The following ACAP2 variants were observed in gnomAD, a reference collection of about 807,000 sequenced individuals.
ACAP2 encodes arf-GAP with coiled-coil, ANK repeat and PH domain-containing protein 2.
ACAP2 carries 39 observed loss-of-function variants against 115.8 expected under a neutral mutation model. That is an observed-to-expected ratio of 0.34 (90% CI 0.26 to 0.44). The LOEUF (loss-of-function observed/expected upper bound fraction) is 0.44. Among genes scored for constraint, ACAP2 ranks in the 20% least tolerant of loss-of-function variants. ACAP2 has a pLI of 1.00. For synonymous variants in ACAP2, 289 were observed against 315.8 expected (o/e 0.92, Z 0.90); for missense variants, 662 against 927.6 (o/e 0.71, Z 3.72).
intron 5 of ACAP2, 127 bp downstream of exon 5, chr3:195,345,132 T>A (rs891053104): frequency 1.2e-5 from 9 of 721,904 alleles, no homozygotes; most frequent in Non-Finnish European, 2.2e-5. Flanking sequence ...AGCATGCATT[T>A]CACAAAGCAA....
At chr3:195,312,171 T>C (rs1728815140) in intron 10 of ACAP2, among the ~76,000 whole-genome samples, 2 of 152,084 alleles carry the variant, frequency 1.3e-5, no homozygotes. Flanking sequence ...TCTAAATCTG[T>C]AGAAACGTTA....
At chr3:195,370,048 A>G (rs1363328576) in intron 4 of ACAP2, among the ~76,000 whole-genome samples, 2 of 152,128 alleles carry the variant, frequency 1.3e-5, no homozygotes, top group Non-Finnish European at 2.9e-5. Flanking sequence ...TTGGCTGTGT[A>G]TGTCTTCTTT....
chr3:195,395,382 A>G (rs995574215), intron 1 of ACAP2, among the ~76,000 whole-genome samples: 1 of 152,238 alleles, frequency 6.6e-6, no homozygotes, highest in Non-Finnish European at 1.5e-5. Context: ...AGAGAAGACA[A>G]TGAGCACAGT....
At chr3:195,355,265 T>C (rs1731878164) in intron 4 of ACAP2, among the ~76,000 whole-genome samples, 1 of 141,214 alleles carries the variant, frequency 7.1e-6, no homozygotes. Flanking sequence ...TAACAGCTAA[T>C]TCTTTTCTTT....
At chr3:195,393,803 C>T (rs1224489162) in intron 1 of ACAP2, among the ~76,000 whole-genome samples, 1 of 149,864 alleles carries the variant, frequency 6.7e-6, no homozygotes, top group East Asian at 2.0e-4. Flanking sequence ...ATATCCATAC[C>T]ATTATGTGAG....
intron 1 of ACAP2, among the ~76,000 whole-genome samples, chr3:195,417,291 C>T (rs1415755761): frequency 6.6e-6 from 1 of 151,824 alleles, no homozygotes; most frequent in Non-Finnish European, 1.5e-5. Context: ...TAATGAACAT[C>T]TCTACCTGAA....
chr3:195,312,152 A>G (rs1305106596), intron 10 of ACAP2, among the ~76,000 whole-genome samples: 1 of 152,132 alleles, frequency 6.6e-6, no homozygotes, highest in Non-Finnish European at 1.5e-5. Flanking sequence ...CATGAGTAAA[A>G]GTCAAACTTC....
chr3:195,362,110 T>C (rs536780816), intron 4 of ACAP2, among the ~76,000 whole-genome samples: 116 of 152,120 alleles, frequency 7.6e-4, no homozygotes, highest in African/African-American at 2.3e-3. Context: ...GTCAGGAGTT[T>C]GAGACCAGTC....
rs143018690 is a variant in ACAP2, at chr3:195,291,722, C to A, written c.2047G>T (p.Val683Phe). The A allele has an allele frequency of 6.2e-7, 1 of 1,613,678 alleles. No homozygotes were observed. The highest frequency in any genetic ancestry group is 1.7e-5 in the Admixed American group (1 of 59,920). The change falls in exon 20 of 23, where the codon GTC becomes TTC. Residue 683 changes from valine (V) to phenylalanine (F), a missense_variant. Physicochemically the swap from Val to Phe is conservative, Grantham distance 50 (BLOSUM62 -1). Coordinates refer to ENST00000326793, the MANE Select transcript of ACAP2 (RefSeq NM_012287.6). ...TGCAGTTACCCTGTGTGCCCTAAGA[C>A]GGTGGCATGGTGCAATGGTCCCCGC... The part of the protein sequence containing the change: ...QGRGPLHHAT[V>F]LGHTGQVCLF...
intron 1 of ACAP2, among the ~76,000 whole-genome samples, chr3:195,428,161 T>G (rs531724974): frequency 6.6e-6 from 1 of 151,904 alleles, no homozygotes; most frequent in East Asian, 1.9e-4. Context: ...AATCTGTTGT[T>G]GACTGGAATG....
chr3:195,344,124 G>A (rs955674526), intron 5 of ACAP2, among the ~76,000 whole-genome samples: 7 of 152,178 alleles, frequency 4.6e-5, no homozygotes, highest in African/African-American at 1.4e-4. Context: ...AGGCTGAGGT[G>A]GGAGGATCAC....
At chr3:195,392,168 A>C in intron 1 of ACAP2, 21 bp from the exon 2 acceptor site, 1 of 1,591,056 alleles carries the variant, frequency 6.3e-7, no homozygotes, top group Non-Finnish European at 8.6e-7. Flanking sequence ...TAAATATAAA[A>C]TAAGTTATTT....
chr3:195,298,252 C>CTTTTT (rs33951107), intron 15 of ACAP2, among the ~76,000 whole-genome samples: 34 of 109,950 alleles, frequency 3.1e-4, no homozygotes, highest in African/African-American at 1.2e-3. Flanking sequence ...TTTCTCTCCT[C>CTTTTT]TTTTTTTTTT....
chr3:195,419,447 T>C (rs1713997857), intron 1 of ACAP2: 1 of 152,192 alleles, frequency 6.6e-6, no homozygotes, highest in Non-Finnish European at 1.5e-5. Flanking sequence ...TAAGACTAGT[T>C]AAATGCAGTA....
intron 1 of ACAP2, among the ~76,000 whole-genome samples, chr3:195,434,060 C>G (rs1013069276): frequency 6.6e-6 from 1 of 152,038 alleles, no homozygotes; most frequent in African/African-American, 2.4e-5. Flanking sequence ...TCCTGAGGAG[C>G]TGGGACTATA....
intron 22 of ACAP2, among the ~76,000 whole-genome samples, chr3:195,284,338 ATC>A (rs1726707703): frequency 6.6e-6 from 1 of 152,256 alleles, no homozygotes; most frequent in African/African-American, 2.4e-5. Context: ...AGTTAAGAAT[ATC>A]TGTTATAAAA....
chr3:195,434,364 T>C (rs566888039), intron 1 of ACAP2, among the ~76,000 whole-genome samples: 7 of 152,122 alleles, frequency 4.6e-5, no homozygotes, highest in Non-Finnish European at 1.0e-4. Context: ...TCTCAAGTAG[T>C]TGGAACCACA....
intron 1 of ACAP2, among the ~76,000 whole-genome samples, chr3:195,394,111 C>T (rs913022322): frequency 5.3e-5 from 8 of 152,180 alleles, no homozygotes; most frequent in Non-Finnish European, 1.2e-4. Context: ...GAAGTCCAAA[C>T]ACCATCTCCC....
chr3:195,279,359 T>C lies in ACAP2; in HGVS notation c.2306A>G (p.Asn769Ser). 6.2e-7 allele frequency: 1 copy of C among 1,604,946 alleles called. No homozygotes were observed. Among genetic ancestry groups the C allele is most frequent in the Non-Finnish European group, 8.5e-7 (1 of 1,177,408 alleles). The change falls in exon 23 of 23, where the codon AAT becomes AGT. Residue 769 changes from asparagine (N) to serine (S), a missense_variant. This residue lies in a region of ACAP2 where 128 missense variants were observed against 200.2 expected (regional missense o/e 0.64). Coordinates refer to ENST00000326793, the MANE Select transcript of ACAP2 (RefSeq NM_012287.6). The part of the protein sequence containing the change: ...QMASNNPEKL[N>S]RFQQDSQKF Reference sequence around the variant, plus strand: ...TTTCTGTGAATCTTGCTGGAAACGATTTAGTTTCTCTGGATTATTGGATGC... The same window carrying C: ...TTTCTGTGAATCTTGCTGGAAACGACTTAGTTTCTCTGGATTATTGGATGC...
Sources: gnomAD v4.1 joint callset for allele counts (sites outside exome capture counted in the v4.1 genomes callset) on GRCh38, gnomAD v4.1.1 for gene constraint, gnomAD v4.1.1 regional missense constraint, MANE v1.5 for transcripts, NCBI Gene and HGNC (gene_info 2026-07-23, HGNC 2026-07-21) for gene names.